The following MICU3 variants were observed in gnomAD, a reference collection of about 807,000 sequenced individuals.
MICU3 encodes the protein mitochondrial calcium uptake 3, also known as calcium uptake protein 3, mitochondrial.
Under a neutral mutation model 66.5 loss-of-function variants are expected in MICU3, and 62 were observed. That is an observed-to-expected ratio of 0.93 (90% CI 0.76 to 1.15). The LOEUF is 1.15. MICU3 is among the 50% of genes most tolerant of loss of function. MICU3 has a pLI of 0.00. For missense variants in MICU3, 779 were observed against 664.4 expected, an observed-to-expected ratio of 1.17 and a Z score of -1.90; for synonymous variants, 308 against 240.7, an observed-to-expected ratio of 1.28 and a Z score of -2.59.
chr8:17,125,606 G>A (rs1457279154), downstream of MICU3, among the ~76,000 whole-genome samples: 2 of 152,128 alleles, frequency 1.3e-5, no homozygotes, highest in African/African-American at 4.8e-5. Flanking sequence ...TGGCTGGCCA[G>A]ATTTCGCCTG....
chr8:17,098,824 A>C (rs1801000897), intron 9 of MICU3, among the ~76,000 whole-genome samples: 2 of 151,736 alleles, frequency 1.3e-5, no homozygotes, highest in African/African-American at 4.8e-5. Flanking sequence ...TGAATCTTTT[A>C]AGCTTACAAT....
chr8:17,110,900 C>T (rs1477418146), intron 11 of MICU3, among the ~76,000 whole-genome samples: 1 of 152,084 alleles, frequency 6.6e-6, no homozygotes, highest in African/African-American at 2.4e-5. Context: ...TAGGTTCATC[C>T]ACATTGTAGT....
At chr8:17,067,679 A>G (rs1818928115) in intron 2 of MICU3, among the ~76,000 whole-genome samples, 1 of 152,234 alleles carries the variant, frequency 6.6e-6, no homozygotes, top group Non-Finnish European at 1.5e-5. Context: ...ACCTCAGGTG[A>G]TCCTCCTGCC....
chr8:17,094,685 C>A (rs1402647463), intron 8 of MICU3, among the ~76,000 whole-genome samples: 1 of 151,814 alleles, frequency 6.6e-6, no homozygotes, highest in Non-Finnish European at 1.5e-5. Context: ...TCTGAATAAC[C>A]ATGGTTTGTC....
chr8:17,131,895 A>G, the MICU3 span: 1 of 152,178 alleles, frequency 6.6e-6, no homozygotes, highest in Non-Finnish European at 1.5e-5. Flanking sequence ...GTGAATTTGG[A>G]GCTAAGAGGA....
intron 1 of MICU3, among the ~76,000 whole-genome samples, chr8:17,039,882 A>G (rs1813732278): frequency 7.1e-6 from 1 of 141,210 alleles, no homozygotes; most frequent in African/African-American, 2.6e-5. Context: ...GAAGGTATCC[A>G]TCATCTTGCA....
the MICU3 span, chr8:17,132,940 A>T: frequency 6.6e-6 from 1 of 152,244 alleles, no homozygotes; most frequent in Non-Finnish European, 1.5e-5. Flanking sequence ...TTGGTAAAAG[A>T]GGTGCAAGGG....
Position 17,040,055 on chromosome 8 carries a change from G to A in MICU3, c.381+12395G>A, listed in dbSNP as rs192496694. Among the ~76,000 whole-genome samples, 456 of 151,924 alleles carry A rather than the reference G, an allele frequency of 3.0e-3. 1 individual carries two copies. Among genetic ancestry groups the A allele is most frequent in the African/African-American group, 0.011 (439 of 41,458 alleles). On this transcript the variant is annotated intron_variant, in intron 1 of 14. Coordinates refer to ENST00000318063, the MANE Select transcript of MICU3 (RefSeq NM_181723.3). ...CCTGAGTAGCTGGGATTACAAGCAT[G>A]CGCCAGCACGCCTGGCTAATTTTTG...
intron 1 of MICU3, among the ~76,000 whole-genome samples, chr8:17,045,165 T>C (rs546893908): frequency 6.6e-6 from 1 of 152,154 alleles, no homozygotes; most frequent in Admixed American, 6.5e-5. Context: ...AAATAAATTA[T>C]GGAATACTTT....
the MICU3 span, among the ~76,000 whole-genome samples, chr8:17,129,066 G>A: frequency 5.3e-5 from 8 of 152,158 alleles, no homozygotes; most frequent in Non-Finnish European, 1.2e-4. Context: ...AAGGTCACAG[G>A]TTAGGGGTAA....
intron 1 of MICU3, chr8:17,049,759 C>A (rs1815742799): frequency 2.2e-6 from 1 of 459,316 alleles, no homozygotes; most frequent in Non-Finnish European, 4.3e-6. Context: ...TGTTGAAGGC[C>A]CCTATAGATT....
chr8:17,067,574 C>A (rs1277285088), intron 2 of MICU3, among the ~76,000 whole-genome samples: 1 of 152,046 alleles, frequency 6.6e-6, no homozygotes, highest in African/African-American at 2.4e-5. Context: ...GGATTACGGG[C>A]AGCTGCTGTC....
intron 1 of MICU3, among the ~76,000 whole-genome samples, chr8:17,056,121 G>A (rs1563303918): frequency 6.6e-6 from 1 of 152,124 alleles, no homozygotes; most frequent in East Asian, 1.9e-4. Flanking sequence ...TCTTCTATCC[G>A]AATCCCCTGT....
rs75058986 is a variant in MICU3 at position 17,034,205 on chromosome 8, C to T, written c.381+6545C>T. Among the ~76,000 whole-genome samples the T allele has an allele frequency of 8.4e-3, 1,279 of 152,284 alleles. 14 individuals carry two copies. Among genetic ancestry groups the T allele is most frequent in the African/African-American group, 0.029 (1,205 of 41,560 alleles). ...TAGGGGGACTGCAAAGCTTGGATGACAACACATCTGTTTACAGCATGGTTT... is the reference window on the plus strand; with the variant it reads ...TAGGGGGACTGCAAAGCTTGGATGATAACACATCTGTTTACAGCATGGTTT... On this transcript the variant is annotated intron_variant, in intron 1 of 14. Transcript: ENST00000318063.
Position 17,114,120 on chromosome 8 carries a change from T to A in MICU3, c.1285T>A (p.Phe429Ile). The A allele has an allele frequency of 6.2e-7, 1 of 1,610,474 alleles. No individual in the cohort carries two copies. Among genetic ancestry groups the A allele is most frequent in the Non-Finnish European group, 8.5e-7 (1 of 1,177,782 alleles). The change falls in exon 12 of 15, where the codon TTT becomes ATT. Residue 429 changes from phenylalanine (F) to isoleucine (I), a missense_variant. Physicochemically the swap from Phe to Ile is conservative, Grantham distance 21. Coordinates refer to ENST00000318063, the MANE Select transcript of MICU3 (RefSeq NM_181723.3). ...KGITFDEFRSFFQFLNNLEDF... is the reference protein window; with the variant it reads ...KGITFDEFRSIFQFLNNLEDF... ...CATCACATTTGATGAATTCAGGTCATTTTTCCAGTTTTTAAACAACCTAGA... is the reference window on the plus strand; with the variant it reads ...CATCACATTTGATGAATTCAGGTCAATTTTCCAGTTTTTAAACAACCTAGA...
intron 1 of MICU3, among the ~76,000 whole-genome samples, chr8:17,062,877 T>TAAAA (rs748885756): frequency 7.4e-6 from 1 of 134,732 alleles, no homozygotes. Flanking sequence ...AGACTCTGTC[T>TAAAA]AAAAAAAAAA....
chr8:17,132,334 T>C, the MICU3 span: 1 of 152,216 alleles, frequency 6.6e-6, no homozygotes, highest in Admixed American at 6.6e-5. Context: ...TCTTCTACTG[T>C]TCATTGATTT....
intron 1 of MICU3, among the ~76,000 whole-genome samples, chr8:17,053,801 AAAG>A (rs1251179737): frequency 6.6e-5 from 10 of 152,232 alleles, no homozygotes; most frequent in African/African-American, 1.4e-4. Context: ...CTAGAGGTAG[AAAG>A]AAGAAGATTC....
At chr8:17,030,202 G>C (rs1005122774) in intron 1 of MICU3, among the ~76,000 whole-genome samples, 1 of 152,042 alleles carries the variant, frequency 6.6e-6, no homozygotes, top group African/African-American at 2.4e-5. Flanking sequence ...GGCCTTCTCT[G>C]TGCATTGCTT....
Sources: gnomAD v4.1 joint callset for allele counts (sites outside exome capture counted in the v4.1 genomes callset) on GRCh38, gnomAD v4.1.1 for gene constraint, MANE v1.5 for transcripts, NCBI Gene and HGNC (gene_info 2026-07-23, HGNC 2026-07-21) for gene names.